MYO7A: variants seen among roughly 807,000 people sequenced by gnomAD.
MYO7A encodes the protein unconventional myosin-VIIa.
In MYO7A, 210 loss-of-function variants were observed where a neutral mutation model predicts 263.8. The ratio of observed to expected loss-of-function variants is 0.80; its 90% confidence interval spans 0.71 to 0.89. The LOEUF is 0.89. Among genes scored for constraint, MYO7A ranks in the 40% least tolerant of loss-of-function variants. The pLI is 0.00. For missense variants in MYO7A, 2,820 were observed against 2,968.3 expected (o/e 0.95, Z 1.16); for synonymous variants, 1,239 against 1,197.3 (o/e 1.03, Z -0.72).
chr11:77,165,915 C>T, intron 14 of MYO7A, 141 bp from the exon 15 acceptor site: 1 of 593,866 alleles, frequency 1.7e-6, no homozygotes, highest in Non-Finnish European at 2.9e-6. Flanking sequence ...GTCTCTGTCC[C>T]CTCCAGGCCT....
At chr11:77,165,103 G>A (rs1352661122) in intron 14 of MYO7A, among the ~76,000 whole-genome samples, 2 of 152,210 alleles carry the variant, frequency 1.3e-5, no homozygotes. Flanking sequence ...TAGTGAGTCT[G>A]TCAGAGCTTT....
chr11:77,178,903 C>G, intron 19 of MYO7A, 142 bp from the exon 20 acceptor site: 1 of 646,624 alleles, frequency 1.5e-6, no homozygotes, highest in Non-Finnish European at 2.8e-6. Context: ...GAAGCTGAGG[C>G]ACAGAAGTTA....
chr11:77,157,231 C>T, intron 7 of MYO7A, 48 bp from the exon 8 acceptor site: 2 of 1,483,786 alleles, frequency 1.3e-6, no homozygotes, highest in East Asian at 2.4e-5. Context: ...CTGATGGCCT[C>T]CTCTGGCCCT....
chr11:77,147,483 T>A (rs1951652749), intron 3 of MYO7A, among the ~76,000 whole-genome samples: 1 of 152,126 alleles, frequency 6.6e-6, no homozygotes, highest in South Asian at 2.1e-4. Flanking sequence ...CCCTTTCCAC[T>A]CCATCCTGCA....
At chr11:77,206,036 C>A in intron 40 of MYO7A, 61 bp from the exon 41 acceptor site, 1 of 1,338,010 alleles carries the variant, frequency 7.5e-7, no homozygotes, top group Non-Finnish European at 1.0e-6. Context: ...CCAAGTGTCC[C>A]GGTCCCCTGG....
At chr11:77,214,485 T>TA in intron 48 of MYO7A, 122 bp from the exon 49 acceptor site, 2 of 732,394 alleles carry the variant, frequency 2.7e-6, no homozygotes, top group Non-Finnish European at 4.8e-6. Context: ...AAGCCCTGAG[T>TA]AGGAGGGATT....
rs2135429710 is a variant in MYO7A at position 77,175,364 on chromosome 11, C to T, written c.2095-8C>T. The T allele has an allele frequency of 2.5e-6, 4 of 1,612,656 alleles. No homozygotes were observed. Among genetic ancestry groups the T allele is most frequent in the Non-Finnish European group, 3.4e-6 (4 of 1,179,618 alleles). ...TCCATTCCCTTGTGTTCCCCATCCTCACTCCAGGGCGACCTCCGCGGGACT... is the reference window on the plus strand; with the variant it reads ...TCCATTCCCTTGTGTTCCCCATCCTTACTCCAGGGCGACCTCCGCGGGACT... On this transcript the variant is annotated splice_region_variant and splice_polypyrimidine_tract_variant and intron_variant, in intron 17 of 48. Coordinates refer to ENST00000409709, the MANE Select transcript of MYO7A (RefSeq NM_000260.4).
intron 25 of MYO7A, 149 bp from the exon 26 acceptor site, chr11:77,182,919 A>T: frequency 1.3e-6 from 1 of 759,688 alleles, no homozygotes; most frequent in Non-Finnish European, 2.3e-6. Context: ...GTGCAAGGGT[A>T]GGGGTGAGCA....
chr11:77,176,643 C>G (rs1187829281), intron 18 of MYO7A, among the ~76,000 whole-genome samples: 4 of 152,208 alleles, frequency 2.6e-5, no homozygotes, highest in Non-Finnish European at 2.9e-5. Flanking sequence ...CTAGGCTCTT[C>G]CGATATGGCC....
rs782279338 is a variant in MYO7A at position 77,160,265 on chromosome 11, C to G, written c.1183C>G (p.Arg395Gly). ...GAGCAGGGAACAGGCACTGGACGTG[C>G]GCGACGCCTTCGTAAAGGTGGGCTG... ...PLSREQALDV[R>G]DAFVKGIYGR... Residue 395 changes from arginine to glycine, a missense_variant, in exon 11 of 49, where the codon CGC becomes GGC. Transcript: ENST00000409709. The G allele has an allele frequency of 6.4e-7, 1 of 1,568,648 alleles. No homozygotes were observed. Among genetic ancestry groups the G allele is most frequent in the Non-Finnish European group, 8.6e-7 (1 of 1,157,538 alleles).
At chr11:77,212,918 C>A (rs758709045) in intron 46 of MYO7A, 34 bp from the exon 47 acceptor site, 8 of 1,487,140 alleles carry the variant, frequency 5.4e-6, no homozygotes, top group Non-Finnish European at 7.4e-6. Context: ...TTGCTCTGGG[C>A]CCCCATCTGA....
chr11:77,142,808 G>A lies in MYO7A; in HGVS notation c.118G>A (p.Asp40Asn). 6.2e-7 allele frequency: 1 copy of A among 1,607,556 alleles called. No homozygotes were observed. Among genetic ancestry groups the A allele is most frequent in the South Asian group, 1.1e-5 (1 of 89,164 alleles). Residue 40 changes from aspartate (D) to asparagine (N), a missense_variant, in exon 3 of 49, where the codon GAT (aspartate) becomes AAT (asparagine). By Grantham distance (23) the Asp-to-Asn change is conservative. Transcript: ENST00000409709. ...LCDSGQVQVV[D>N]DEDNEHWISP... ...CGACTCTGGGCAGGTCCAGGTGGTG[G>A]ATGATGAAGACAATGTGAGTAGTCC... is the stretch of plus-strand genomic sequence containing the variant.
rs111033511 is a variant in MYO7A, at chr11:77,199,585, C to T, written c.4619C>T (p.Ala1540Val). The change falls in exon 35 of 49, where the codon GCG becomes GTG. Residue 1540 changes from alanine to valine, a missense_variant. By Grantham distance (64) the Ala-to-Val change is moderately conservative. Transcript: ENST00000409709. ...GGCTGCTCTGATCTTGGCTGTGCTG[C>T]GCCTCACTCAGGCTGGGCAGGACTG... is the stretch of plus-strand genomic sequence containing the variant. The part of the protein sequence containing the change: ...SLGCSDLGCA[A>V]PHSGWAGLTP... 2.4e-4 allele frequency: 378 copies of T among 1,571,506 alleles called. 4 individuals carry two copies. In the South Asian group the frequency reaches 3.1e-3, roughly 13 times the overall value.
intron 19 of MYO7A, among the ~76,000 whole-genome samples, chr11:77,178,237 C>T: frequency 6.6e-6 from 1 of 152,018 alleles, no homozygotes; most frequent in African/African-American, 2.4e-5. Context: ...ACCCATCCAT[C>T]CATCCATCCA....
At chr11:77,175,540 G>A (rs1234169073) in intron 18 of MYO7A, 76 bp downstream of exon 18, 37 of 1,345,252 alleles carry the variant, frequency 2.8e-5, no homozygotes, top group South Asian at 1.6e-4. Flanking sequence ...GTGCTCGGGA[G>A]AGGGAGGCAG....
At chr11:77,130,044 C>T (rs1950724880) in intron 1 of MYO7A, among the ~76,000 whole-genome samples, 1 of 152,238 alleles carries the variant, frequency 6.6e-6, no homozygotes, top group South Asian at 2.1e-4. Flanking sequence ...ATGACCCTGC[C>T]TCCCCGTCAG....
At chr11:77,213,679 G>A (rs1958002433) in intron 47 of MYO7A, among the ~76,000 whole-genome samples, 181 bp from the exon 48 acceptor site, 1 of 152,196 alleles carries the variant, frequency 6.6e-6, no homozygotes, top group Admixed American at 6.5e-5. Flanking sequence ...CTTCCTGGGT[G>A]TCCAAACCAA....
chr11:77,185,339 G>A (rs568394106), intron 27 of MYO7A, among the ~76,000 whole-genome samples: 12 of 152,338 alleles, frequency 7.9e-5, no homozygotes, highest in African/African-American at 2.4e-4. Context: ...AATTGGAGTC[G>A]ATCCTCTCAA....
intron 39 of MYO7A, 143 bp downstream of exon 39, chr11:77,204,372 C>A: frequency 8.3e-7 from 1 of 1,209,122 alleles, no homozygotes; most frequent in Non-Finnish European, 1.1e-6. Flanking sequence ...GGCCCCCTCA[C>A]ATCCTAGCTT....
Sources: allele counts gnomAD v4.1 joint callset (sites outside exome capture counted in the v4.1 genomes callset), GRCh38; gene constraint gnomAD v4.1.1; transcripts MANE v1.5; gene names NCBI Gene and HGNC (gene_info 2026-07-23, HGNC 2026-07-21).